GRIA3: variants seen among roughly 807,000 people sequenced by gnomAD.
GRIA3 encodes glutamate ionotropic receptor AMPA type subunit 3.
GRIA3 carries 3 observed loss-of-function variants against 63.0 expected under a neutral mutation model. The observed-to-expected ratio is 0.05, with a 90% CI of 0.02 to 0.12. The LOEUF (loss-of-function observed/expected upper bound fraction) is 0.12, where lower values mean the gene tolerates loss of function less well. Ranked by LOEUF, GRIA3 falls within the 10% of genes least tolerant of loss-of-function variation. The pLI is 1.00. For missense variants in GRIA3, 347 were observed against 700.9 expected (o/e 0.50, Z 5.70); for synonymous variants, 274 against 257.9 (o/e 1.06, Z -0.60).
intron 3 of GRIA3, among the ~76,000 whole-genome samples, chrX:123,280,820 G>A (rs949326373): frequency 8.9e-6 from 1 of 111,733 alleles, no homozygotes; most frequent in African/African-American, 3.3e-5. Context: ...AACGGAAGAG[G>A]ACAATTATGC....
At position 123,316,964 on chromosome X, in the gene GRIA3, A is replaced by G. The variant is rs376727954; in HGVS notation, c.509-9062A>G. On this transcript the variant is annotated intron_variant, in intron 3 of 15. Transcript: ENST00000620443. Reference sequence around the variant, plus strand: ...TCGTTTTCATGCTGCTGATAAAGACATACCCAAAACTGGGAACAAAAAAAG... The same window carrying G: ...TCGTTTTCATGCTGCTGATAAAGACGTACCCAAAACTGGGAACAAAAAAAG... 3.6e-5 allele frequency among the ~76,000 whole-genome samples: 4 copies of G among 112,000 alleles called. No individual in the cohort carries two copies. In the East Asian group the frequency reaches 8.4e-4, roughly 24 times the overall value.
At chrX:123,480,316 G>T (rs1387165185) in intron 14 of GRIA3, 139 bp downstream of exon 14, 13 of 490,885 alleles carry the variant, frequency 2.6e-5, no homozygotes, top group Non-Finnish European at 4.1e-5. Context: ...AGTGCTAAAG[G>T]AATAAGACAA....
intron 14 of GRIA3, 90 bp downstream of exon 14, chrX:123,480,267 C>A (rs2045906137): frequency 7.0e-6 from 4 of 568,562 alleles, no homozygotes; most frequent in Non-Finnish European, 1.2e-5. Flanking sequence ...TCCTTCCCAA[C>A]ACACACTCCC....
intron 12 of GRIA3, among the ~76,000 whole-genome samples, chrX:123,445,936 T>C (rs2147414826): frequency 8.9e-6 from 1 of 112,303 alleles, no homozygotes; most frequent in African/African-American, 3.2e-5. Context: ...AATTCCCCTG[T>C]TATATAACGG....
chrX:123,249,604 G>A, intron 2 of GRIA3, among the ~76,000 whole-genome samples: 1 of 111,517 alleles, frequency 9.0e-6, no homozygotes, highest in Non-Finnish European at 1.9e-5. Flanking sequence ...GGAGCACAGG[G>A]GTCAATATTT....
chrX:123,243,011 C>A (rs1021030610), intron 2 of GRIA3, among the ~76,000 whole-genome samples: 1 of 111,837 alleles, frequency 8.9e-6, no homozygotes, highest in Non-Finnish European at 1.9e-5. Context: ...TACTATTATA[C>A]CAATTGTTAT....
chrX:123,420,953 T>C (rs1256339080), intron 11 of GRIA3, among the ~76,000 whole-genome samples: 2 of 111,479 alleles, frequency 1.8e-5, no homozygotes, highest in African/African-American at 3.3e-5. Context: ...AAGTAAATTT[T>C]CCATCACAAC....
intron 3 of GRIA3, among the ~76,000 whole-genome samples, chrX:123,258,612 C>T (rs781234702): frequency 2.2e-4 from 25 of 111,842 alleles, no homozygotes; most frequent in African/African-American, 7.8e-4. Context: ...CTCTCGTGCA[C>T]CTGACAACTC....
At chrX:123,205,073 G>A (rs193253348) in intron 2 of GRIA3, among the ~76,000 whole-genome samples, 1 of 111,782 alleles carries the variant, frequency 8.9e-6, no homozygotes, top group East Asian at 2.8e-4. Flanking sequence ...ACTTTACTGG[G>A]AGCATCGGGT....
intron 11 of GRIA3, among the ~76,000 whole-genome samples, chrX:123,421,991 T>C (rs1047247523): frequency 9.0e-6 from 1 of 111,630 alleles, no homozygotes; most frequent in South Asian, 3.8e-4. Context: ...TCCAAGGTCA[T>C]GGAGGTTTTC....
chrX:123,196,183 C>G (rs1927571494), intron 2 of GRIA3, among the ~76,000 whole-genome samples: 1 of 111,643 alleles, frequency 9.0e-6, no homozygotes, highest in African/African-American at 3.3e-5. Context: ...AGGGTAGGAA[C>G]TTCCCATATA....
chrX:123,357,469 T>G (rs1488457189), intron 5 of GRIA3, among the ~76,000 whole-genome samples: 1 of 105,986 alleles, frequency 9.4e-6, no homozygotes, highest in Admixed American at 1.1e-4. Context: ...GATGTATACA[T>G]CTGTGGGTTA....
intron 3 of GRIA3, among the ~76,000 whole-genome samples, chrX:123,304,556 A>T (rs2044743610): frequency 9.0e-6 from 1 of 111,479 alleles, no homozygotes; most frequent in African/African-American, 3.3e-5. Context: ...AGTGCCAAAG[A>T]CCAGGGAACA....
intron 6 of GRIA3, among the ~76,000 whole-genome samples, chrX:123,398,132 C>T (rs1285049558): frequency 8.9e-6 from 1 of 112,012 alleles, no homozygotes; most frequent in Non-Finnish European, 1.9e-5. Context: ...AGAAGTCCCA[C>T]CTCGCCAGAA....
intron 12 of GRIA3, among the ~76,000 whole-genome samples, chrX:123,463,550 C>CGAAGGAAGGAAGGAAGGAAG (rs1366354631): frequency 6.9e-5 from 2 of 29,106 alleles, no homozygotes; most frequent in African/African-American, 5.1e-4. Context: ...ACGAAAGAAG[C>CGAAGGAAGGAAGGAAGGAAG]GAAGGAAGGA....
chrX:123,237,728 A>C (rs2044308899), intron 2 of GRIA3, among the ~76,000 whole-genome samples: 1 of 112,491 alleles, frequency 8.9e-6, no homozygotes, highest in Non-Finnish European at 1.9e-5. Context: ...TACATGACTG[A>C]GCAGCAAAGT....
At chrX:123,362,904 T>C (rs1373263547) in intron 5 of GRIA3, among the ~76,000 whole-genome samples, 1 of 112,856 alleles carries the variant, frequency 8.9e-6, no homozygotes, top group East Asian at 2.8e-4. Context: ...GGTTTCTAAG[T>C]ATGTTTGTTG....
intron 3 of GRIA3, among the ~76,000 whole-genome samples, chrX:123,263,664 A>T (rs1365661940): frequency 8.9e-6 from 1 of 112,032 alleles, no homozygotes; most frequent in Admixed American, 9.4e-5. Flanking sequence ...TTTGTTAACG[A>T]TTTACATCCT....
intron 12 of GRIA3, among the ~76,000 whole-genome samples, chrX:123,463,325 T>C (rs1356265571): frequency 9.2e-6 from 1 of 108,191 alleles, no homozygotes; most frequent in Non-Finnish European, 1.9e-5. Flanking sequence ...AGGAGGGAGA[T>C]TCACTTGAGC....
Sources: gnomAD v4.1 joint callset for allele counts (sites outside exome capture counted in the v4.1 genomes callset) on GRCh38, gnomAD v4.1.1 for gene constraint, MANE v1.5 for transcripts, NCBI Gene and HGNC (gene_info 2026-07-23, HGNC 2026-07-21) for gene names.